The following NAALADL2 variants were observed in gnomAD, a reference collection of about 807,000 sequenced individuals.
NAALADL2 encodes inactive N-acetylated-alpha-linked acidic dipeptidase-like protein 2.
In NAALADL2, 76 loss-of-function variants were observed where a neutral mutation model predicts 87.2. The ratio of observed to expected loss-of-function variants is 0.87; its 90% confidence interval spans 0.72 to 1.05. The LOEUF is 1.05. NAALADL2 is among the 50% of genes least tolerant of loss of function. The pLI, the probability that NAALADL2 is intolerant of heterozygous loss-of-function variation, is 0.00. For missense variants in NAALADL2, 1,089 were observed against 945.8 expected, an observed-to-expected ratio of 1.15 and a Z score of -1.99; for synonymous variants, 354 against 331.0, an observed-to-expected ratio of 1.07 and a Z score of -0.75.
chr3:175,365,479 G>A (rs1765449737), intron 5 of NAALADL2, among the ~76,000 whole-genome samples: 1 of 147,382 alleles, frequency 6.8e-6, no homozygotes, highest in African/African-American at 2.5e-5. Flanking sequence ...GAAGTCGCTT[G>A]GTTCCAAATC....
intron 1 of NAALADL2, among the ~76,000 whole-genome samples, chr3:174,880,196 A>T (rs937619065): frequency 6.6e-6 from 1 of 152,020 alleles, no homozygotes; most frequent in Non-Finnish European, 1.5e-5. Context: ...ATGGCCAATT[A>T]TGTACTCAAC....
intron 1 of NAALADL2, among the ~76,000 whole-genome samples, chr3:174,865,285 T>C (rs1490947382): frequency 1.3e-5 from 2 of 152,048 alleles, no homozygotes; most frequent in African/African-American, 2.4e-5. Flanking sequence ...CAGTTTATAA[T>C]GAACATGCAA....
chr3:174,723,514 G>C (rs978810871), intron 2 of NAALADL2, among the ~76,000 whole-genome samples: 8 of 152,082 alleles, frequency 5.3e-5, no homozygotes, highest in Non-Finnish European at 1.2e-4. Context: ...CCAGCACTTT[G>C]GGATGCCGAG....
chr3:174,774,451 C>T (rs559910323), intron 3 of NAALADL2, among the ~76,000 whole-genome samples: 1 of 152,268 alleles, frequency 6.6e-6, no homozygotes, highest in Admixed American at 6.5e-5. Flanking sequence ...CACATCTTGA[C>T]TTCGAGGAGA....
chr3:174,692,645 T>C (rs953277222), intron 2 of NAALADL2, among the ~76,000 whole-genome samples: 1 of 152,134 alleles, frequency 6.6e-6, no homozygotes, highest in African/African-American at 2.4e-5. Context: ...CAAAAAAGAA[T>C]GTTCGGAAAC....
intron 11 of NAALADL2, among the ~76,000 whole-genome samples, chr3:175,707,819 G>C (rs1739938018): frequency 6.6e-6 from 1 of 152,044 alleles, no homozygotes; most frequent in Non-Finnish European, 1.5e-5. Context: ...TTAGAATTAA[G>C]TTTGTAAGAC....
At chr3:174,829,187 C>T (rs1722336248) in intron 3 of NAALADL2, among the ~76,000 whole-genome samples, 3 of 151,564 alleles carry the variant, frequency 2.0e-5, no homozygotes, top group Admixed American at 1.3e-4. Flanking sequence ...CATATGTATA[C>T]ATGTGCCATG....
chr3:174,850,517 A>G (rs1193788360), intron 3 of NAALADL2, among the ~76,000 whole-genome samples: 1 of 152,188 alleles, frequency 6.6e-6, no homozygotes, highest in Non-Finnish European at 1.5e-5. Flanking sequence ...CTGTAAAAAG[A>G]GACAAAGAAA....
chr3:174,724,822 A>G (rs1732034496), intron 2 of NAALADL2, among the ~76,000 whole-genome samples: 1 of 152,176 alleles, frequency 6.6e-6, no homozygotes, highest in Non-Finnish European at 1.5e-5. Flanking sequence ...TCGAAATGGT[A>G]GAGTGTATAC....
chr3:174,445,495 C>T (rs945405633), intron 1 of NAALADL2, among the ~76,000 whole-genome samples: 1 of 151,920 alleles, frequency 6.6e-6, no homozygotes, highest in African/African-American at 2.4e-5. Context: ...TTAAGGCTTC[C>T]TACAGTTCAA....
intron 1 of NAALADL2, among the ~76,000 whole-genome samples, chr3:174,926,579 C>A (rs575078999): frequency 6.6e-6 from 1 of 151,998 alleles, no homozygotes; most frequent in African/African-American, 2.4e-5. Context: ...GAATTTTCAA[C>A]CCAGAATTTC....
At chr3:175,492,129 A>T (rs896974731) in intron 9 of NAALADL2, among the ~76,000 whole-genome samples, 4 of 152,134 alleles carry the variant, frequency 2.6e-5, no homozygotes, top group Non-Finnish European at 5.9e-5. Flanking sequence ...CCACGGTAAA[A>T]TGTTCTTTTT....
In NAALADL2 at chr3:174,807,569, G is replaced by A. The variant is rs144210002; in HGVS notation, c.-9+69823G>A. On this transcript the variant is annotated intron_variant, in intron 3 of 3. Transcript: ENST00000434257. ...GTTGCCATGCTAATAGCTTCAGCACGTCTTCCATGAATTTGTAGTTTGCAA... is the reference window on the plus strand; with the variant it reads ...GTTGCCATGCTAATAGCTTCAGCACATCTTCCATGAATTTGTAGTTTGCAA... Among the ~76,000 whole-genome samples, 778 of 152,112 alleles carry A rather than the reference G, an allele frequency of 5.1e-3. 9 individuals are homozygous for A. Among genetic ancestry groups the A allele is most frequent in the South Asian group, 0.032 (156 of 4,828 alleles).
intron 2 of NAALADL2, among the ~76,000 whole-genome samples, chr3:174,555,404 A>T (rs924616596): frequency 6.6e-6 from 1 of 152,072 alleles, no homozygotes; most frequent in African/African-American, 2.4e-5. Flanking sequence ...GATTCAAGCG[A>T]TTCTCCTGCC....
chr3:174,804,825 A>G (rs1348390769), intron 3 of NAALADL2, among the ~76,000 whole-genome samples: 1 of 152,164 alleles, frequency 6.6e-6, no homozygotes. Flanking sequence ...TGAAAATTTA[A>G]TACTAAGAGT....
chr3:175,544,936 A>C (rs1252967348), intron 9 of NAALADL2, among the ~76,000 whole-genome samples: 2 of 152,288 alleles, frequency 1.3e-5, no homozygotes, highest in Admixed American at 6.5e-5. Context: ...CTTTCCAATG[A>C]AATTAATACC....
At chr3:174,796,006 T>C (rs1367054237) in intron 3 of NAALADL2, among the ~76,000 whole-genome samples, 1 of 152,206 alleles carries the variant, frequency 6.6e-6, no homozygotes, top group Non-Finnish European at 1.5e-5. Context: ...TGAATGTGAA[T>C]TATTTAGAGA....
chr3:175,176,897 T>C (rs1490822882), intron 2 of NAALADL2, among the ~76,000 whole-genome samples: 1 of 152,084 alleles, frequency 6.6e-6, no homozygotes, highest in Admixed American at 6.6e-5. Flanking sequence ...CCAGACTGTA[T>C]GATAGTAAAT....
chr3:175,257,418 G>A (rs1035609702), intron 4 of NAALADL2, among the ~76,000 whole-genome samples: 13 of 151,502 alleles, frequency 8.6e-5, no homozygotes, highest in African/African-American at 2.9e-4. Flanking sequence ...TTAAATCAGT[G>A]TTTAATAGTA....
Sources: allele counts gnomAD v4.1 joint callset (sites outside exome capture counted in the v4.1 genomes callset), GRCh38; gene constraint gnomAD v4.1.1; transcripts MANE v1.5; gene names NCBI Gene and HGNC (gene_info 2026-07-23, HGNC 2026-07-21).